The following PLXNB1 variants were observed in gnomAD, a reference collection of about 807,000 sequenced individuals.
PLXNB1 encodes plexin B1.
In PLXNB1, 106 loss-of-function variants were observed where a neutral mutation model predicts 209.4. The ratio of observed to expected loss-of-function variants is 0.51; its 90% CI spans 0.43 to 0.59. The LOEUF is 0.59. PLXNB1 is among the 20% of genes least tolerant of loss of function. The probability of loss-of-function intolerance (pLI) is 0.00; values close to 1 mark genes in which losing one functional copy is unlikely to be tolerated. For synonymous variants in PLXNB1, 1,167 were observed against 1,183.2 expected, an observed-to-expected ratio of 0.99 and a Z score of 0.28; for missense variants, 2,357 against 2,853.2, an observed-to-expected ratio of 0.83 and a Z score of 3.96.
chr3:48,414,263 T>A (rs1217407604), intron 21 of PLXNB1, among the ~76,000 whole-genome samples, 192 bp from the exon 22 acceptor site: 1 of 152,120 alleles, frequency 6.6e-6, no homozygotes, highest in Non-Finnish European at 1.5e-5. Context: ...CCCTTTCCTA[T>A]CTTTCTTCTC....
At chr3:48,414,556 AT>A (rs1487270459) in intron 21 of PLXNB1, among the ~76,000 whole-genome samples, 12 of 152,338 alleles carry the variant, frequency 7.9e-5, no homozygotes, top group South Asian at 6.2e-4. Flanking sequence ...AAATGCAGTC[AT>A]TCCAGAGCCT....
rs753397739 is a variant in PLXNB1, at chr3:48,409,368, G to C, written c.6048C>G (p.Phe2016Leu). The C allele has an allele frequency of 1.2e-6, 2 of 1,614,190 alleles. No homozygotes were observed. Among genetic ancestry groups the C allele is most frequent in the Non-Finnish European group, 1.7e-6 (2 of 1,180,040 alleles). Residue 2016 changes from phenylalanine to leucine, a missense_variant, in exon 34 of 38, where the codon TTC becomes TTG. By Grantham distance (22) the Phe-to-Leu change is conservative. Coordinates refer to ENST00000296440, the MANE Select transcript of PLXNB1 (RefSeq NM_001130082.3). The surrounding 1 kb of genome is among the most constrained non-coding windows in gnomAD (Gnocchi z 5.8). ...DAVLLVIAQT[F>L]MDACTLADHK... ...GGTCGGCCAGGGTGCAGGCGTCCAT[G>C]AAGGTCTGTGCAATGACAAGGAGCA...
Position 48,421,012 on chromosome 3 carries a change from AGAGCCGATATCCT to A in PLXNB1, c.1811-69_1811-57del. ...GCAGCAAGGAGGTGCACTCAGACCC[AGAGCCGATATCCT>A]GAGCCCTTGAATGGGGAAGAGGACC... is the stretch of plus-strand genomic sequence containing the variant. On this transcript the variant is annotated intron_variant, in intron 8 of 37. Transcript: ENST00000296440. 3 of 1,448,588 alleles carry A rather than the reference AGAGCCGATATCCT, an allele frequency of 2.1e-6. No homozygotes were observed. In the Admixed American group the frequency reaches 5.1e-5, roughly 25 times the overall value. 89.7% of individuals were successfully genotyped at this position (1,448,588 alleles called of 1,614,324 possible). A position where few individuals can be genotyped will look rare whatever the true frequency, so the allele number is the denominator to read the frequency against.
chr3:48,412,025 C>G lies in PLXNB1; in HGVS notation c.5101-16G>C, dbSNP rs373345066. On this transcript the variant is annotated splice_polypyrimidine_tract_variant and intron_variant, in intron 27 of 37. Coordinates refer to ENST00000296440, the MANE Select transcript of PLXNB1 (RefSeq NM_001130082.3). ...CTACGGAGTCCTAGGAGAGCACAGG[C>G]AGTTAGGGCCCCCCAGCAGGTGGCA... 8.7e-6 allele frequency: 14 copies of G among 1,613,364 alleles called. No homozygotes were observed. Among genetic ancestry groups the G allele is most frequent in the Middle Eastern group, 1.7e-4 (1 of 6,030 alleles).
chr3:48,418,257 C>T lies in PLXNB1; in HGVS notation c.3156G>A (p.Val1052=). 2 of 1,613,542 alleles carry T rather than the reference C, an allele frequency of 1.2e-6. No individual in the cohort carries two copies. Among genetic ancestry groups the T allele is most frequent in the Non-Finnish European group, 1.7e-6 (2 of 1,179,998 alleles). The change falls in exon 15 of 38, where the codon GTG becomes GTA. Residue 1052 remains valine (V), a synonymous_variant. Transcript: ENST00000296440. This position sits in a 1 kb window ranked among gnomAD's most constrained non-coding sequence, Gnocchi z 6.6. ...VWCEGERPRC[V]TREACGEAEA... ...CAGCCTCACCACAGGCCTCCCGGGT[C>T]ACACAACGTGGACGCTCCCCCTCAC...
chr3:48,423,420 C>G (rs1250875718), intron 3 of PLXNB1, 85 bp downstream of exon 3: 2 of 1,447,332 alleles, frequency 1.4e-6, no homozygotes, highest in Non-Finnish European at 1.9e-6. Context: ...CAGCTGCCCT[C>G]GGACTCTCTG....
Position 48,411,881 on chromosome 3 carries a change from A to C in PLXNB1, c.5229T>G (p.Asp1743Glu), listed in dbSNP as rs2037705916. ...CCCTCACCAGGGGACGGTACTCCAC[A>C]TCCTCTCTGAGCAGGCGGTTGTCGT... ...TLNDNRLLRE[D>E]VEYRPLTLNA... The change falls in exon 28 of 38, where the codon GAT (aspartate) becomes GAG (glutamate). Residue 1743 changes from aspartate to glutamate, a missense_variant. By Grantham distance (45) the Asp-to-Glu change is conservative. Around this residue, in one of 7 missense-constraint regions of PLXNB1, gnomAD observed 65 missense variants for 127.6 expected, o/e 0.51. Transcript: ENST00000296440. The surrounding 1 kb of genome is among the most constrained non-coding windows in gnomAD (Gnocchi z 4.0). 6.2e-7 allele frequency: 1 copy of C among 1,613,878 alleles called. No homozygotes were observed. The highest frequency in any genetic ancestry group is 1.3e-5 in the African/African-American group (1 of 74,850).
chr3:48,411,628 C>A lies in PLXNB1; in HGVS notation c.5247+235G>T, dbSNP rs2037689738. On this transcript the variant is annotated intron_variant, in intron 28 of 37. Transcript: ENST00000296440. The surrounding 1 kb of genome is among the most constrained non-coding windows in gnomAD (Gnocchi z 4.0). ...CTCCCAAACCCTGGTTGTGGCTACC[C>A]TAGTTCCATCCCTAGCCTGGGGCAC... Among the ~76,000 whole-genome samples, 1 of 152,166 alleles carries A rather than the reference C, an allele frequency of 6.6e-6. No individual in the cohort carries two copies. The highest frequency in any genetic ancestry group is 1.5e-5 in the Non-Finnish European group (1 of 68,026).
rs768025873 is a variant in PLXNB1 at position 48,419,811 on chromosome 3, G to A, written c.2475C>T (p.Ala825=). Reference sequence around the variant, plus strand: ...AGCCCATGGCCCCTGGGAAAGTGGTGGCAGGAACAGTGGCAGGGGGCAGGT... The same window carrying A: ...AGCCCATGGCCCCTGGGAAAGTGGTAGCAGGAACAGTGGCAGGGGGCAGGT... ...PLDLPPATVP[A]TTFPGAMGSV... Residue 825 remains alanine, a synonymous_variant, in exon 11 of 38, where the codon GCC becomes GCT. Transcript: ENST00000296440. The surrounding 1 kb of genome is among the most constrained non-coding windows in gnomAD (Gnocchi z 5.7). 6.8e-5 allele frequency: 108 copies of A among 1,589,394 alleles called. No homozygotes were observed. Among genetic ancestry groups the A allele is most frequent in the Admixed American group, 3.0e-4 (17 of 56,506 alleles).
rs972724377 is a variant in PLXNB1 at position 48,409,786 on chromosome 3, C to G, written c.5779-55G>C. ...GTCAGCAAAGGGCCCTCAGCAGCAG[C>G]CCAGCCTCAGACACCCCCCGGCACT... is the stretch of plus-strand genomic sequence containing the variant. On this transcript the variant is annotated intron_variant, in intron 32 of 37. Transcript: ENST00000296440. The surrounding 1 kb of genome is among the most constrained non-coding windows in gnomAD (Gnocchi z 5.8). 6.3e-7 allele frequency: 1 copy of G among 1,592,912 alleles called. No homozygotes were observed. The highest frequency in any genetic ancestry group is 1.3e-5 in the African/African-American group (1 of 74,646).
At position 48,423,544 on chromosome 3, in the gene PLXNB1, G is replaced by T; in HGVS notation, c.1068C>A (p.Ile356=). The change falls in exon 3 of 38, where the codon ATC becomes ATA. Residue 356 remains isoleucine, a synonymous_variant. Transcript: ENST00000296440. ...RAEDGTEVAY[I]EYDVNSDCAQ... The stretch of plus-strand genomic sequence containing the variant: ...CACAGTCAGAATTGACATCATACTC[G>T]ATGTAGGCCACCTCGGTCCCATCCT... The T allele has an allele frequency of 1.2e-6, 2 of 1,614,138 alleles. No individual in the cohort carries two copies. The highest frequency in any genetic ancestry group is 1.1e-5 in the South Asian group (1 of 91,078).
rs1348713304 is a variant in PLXNB1, at chr3:48,416,564, C to T, written c.3375-113G>A. 3 of 630,186 alleles carry T rather than the reference C, an allele frequency of 4.8e-6. No individual in the cohort carries two copies. Among genetic ancestry groups the T allele is most frequent in the African/African-American group, 3.7e-5 (2 of 54,354 alleles). The allele number at this position is 630,186 out of a possible 1,614,324, so 39.0% of individuals were successfully genotyped here. A position where few individuals can be genotyped will look rare whatever the true frequency, so the allele number is the denominator to read the frequency against. ...CAGGTGGTCTTCCCCTTCCCATGCT[C>T]CATAAGATTGACAGAGACCCTCTCT... On this transcript the variant is annotated intron_variant, in intron 16 of 37. Coordinates refer to ENST00000296440, the MANE Select transcript of PLXNB1 (RefSeq NM_001130082.3). This position sits in a 1 kb window ranked among gnomAD's most constrained non-coding sequence, Gnocchi z 4.1.
chr3:48,408,248 A>G (rs1354918724), intron 34 of PLXNB1, among the ~76,000 whole-genome samples: 1 of 152,086 alleles, frequency 6.6e-6, no homozygotes, highest in African/African-American at 2.4e-5. Context: ...TGAGCTCCTC[A>G]GGCGATCTGC....
Position 48,416,032 on chromosome 3 carries a change from A to G in PLXNB1, c.3616T>C (p.Leu1206=). The change falls in exon 18 of 38, where the codon TTG becomes CTG. Residue 1206 remains leucine, a splice_region_variant and synonymous_variant. Coordinates refer to ENST00000296440, the MANE Select transcript of PLXNB1 (RefSeq NM_001130082.3). The surrounding 1 kb of genome is among the most constrained non-coding windows in gnomAD (Gnocchi z 4.1). ...GCAGGATGAGGAAGTGGCCCTCACA[A>G]GTGACAAGGCTGGTCTCCAACCACC... ...RVVVGDQPCH[L]LPEQQSEQLR... is the part of the protein sequence containing the mutation. 4 of 1,603,600 alleles carry G rather than the reference A, an allele frequency of 2.5e-6. No individual in the cohort carries two copies. Among genetic ancestry groups the G allele is most frequent in the Non-Finnish European group, 3.4e-6 (4 of 1,175,258 alleles).
At position 48,407,095 on chromosome 3, in the gene PLXNB1, G is replaced by C; in HGVS notation, c.6088-4C>G. Reference sequence around the variant, plus strand: ...GAAGTTTGTTGATCGGGGAGTCCTGGACATAGCAGGAGGACAGCAAAAGAG... The same window carrying C: ...GAAGTTTGTTGATCGGGGAGTCCTGCACATAGCAGGAGGACAGCAAAAGAG... On this transcript the variant is annotated splice_polypyrimidine_tract_variant and splice_region_variant and intron_variant, in intron 34 of 37. Transcript: ENST00000296440. The C allele has an allele frequency of 6.2e-7, 1 of 1,613,372 alleles. No homozygotes were observed. Among genetic ancestry groups the C allele is most frequent in the Non-Finnish European group, 8.5e-7 (1 of 1,179,316 alleles).
chr3:48,414,718 G>T, intron 21 of PLXNB1, 81 bp downstream of exon 21: 1 of 1,527,864 alleles, frequency 6.5e-7, no homozygotes, highest in Non-Finnish European at 8.9e-7. Flanking sequence ...CTACTGTCTC[G>T]GCCTCTCCGC....
Position 48,421,720 on chromosome 3 carries a change from A to C in PLXNB1, c.1607T>G (p.Val536Gly), listed in dbSNP as rs1575406127. ...SFQPELGCLQ[V>G]AAMSPANISR... ...GATGTTGGCAGGACTCATGGCTGCCACTTGCAGACAGCCCAGCTCAGGCTG... is the reference window on the plus strand; with the variant it reads ...GATGTTGGCAGGACTCATGGCTGCCCCTTGCAGACAGCCCAGCTCAGGCTG... Residue 536 changes from valine (V) to glycine (G), a missense_variant, in exon 7 of 38, where the codon GTG becomes GGG. This residue lies in a region of PLXNB1 where 214 missense variants were observed against 297.1 expected (regional missense o/e 0.72). Coordinates refer to ENST00000296440, the MANE Select transcript of PLXNB1 (RefSeq NM_001130082.3). 1 of 1,609,812 alleles carries C rather than the reference A, an allele frequency of 6.2e-7. No homozygotes were observed. The highest frequency in any genetic ancestry group is 8.5e-7 in the Non-Finnish European group (1 of 1,176,576).
intron 7 of PLXNB1, 109 bp from the exon 8 acceptor site, chr3:48,421,493 G>A (rs1236026811): frequency 4.6e-6 from 6 of 1,308,036 alleles, no homozygotes. Flanking sequence ...CAGCCCTCAG[G>A]CCTCCCCAAA....
Position 48,415,898 on chromosome 3 carries a change from T to A in PLXNB1, c.3617+133A>T. The A allele has an allele frequency of 7.4e-7, 1 of 1,345,508 alleles. No individual in the cohort carries two copies. The highest frequency in any genetic ancestry group is 1.4e-5 in the South Asian group (1 of 71,266). 83.3% of individuals were successfully genotyped at this position (1,345,508 alleles called of 1,614,324 possible). A position where few individuals can be genotyped will look rare whatever the true frequency, so the allele number is the denominator to read the frequency against. ...GAGGTGCACTCCCACCACAGCTGGC[T>A]AGGGAGGGTCTGGCCACTCTCTGAA... On this transcript the variant is annotated intron_variant, in intron 18 of 37. Transcript: ENST00000296440. This position sits in a 1 kb window ranked among gnomAD's most constrained non-coding sequence, Gnocchi z 5.0.
Sources: gnomAD v4.1 joint callset for allele counts (sites outside exome capture counted in the v4.1 genomes callset) on GRCh38, gnomAD v4.1.1 for gene constraint, gnomAD v4.1.1 regional missense constraint, Gnocchi (gnomAD v3.1) non-coding constraint, MANE v1.5 for transcripts, NCBI Gene and HGNC (gene_info 2026-07-23, HGNC 2026-07-21) for gene names.